Variants in RRH observed in about 807,000 individuals in gnomAD.
The protein encoded by RRH is visual pigment-like receptor peropsin.
RRH carries 36 observed loss-of-function variants against 33.1 expected under a neutral mutation model. The ratio of observed to expected loss-of-function variants is 1.09; its 90% CI spans 0.83 to 1.44. The LOEUF (loss-of-function observed/expected upper bound fraction) is 1.44. Among genes scored for constraint, RRH ranks in the 40% most tolerant of loss-of-function variants. The pLI is 0.00. For missense variants in RRH, 393 were observed against 420.2 expected, an observed-to-expected ratio of 0.94 and a Z score of 0.57; for synonymous variants, 124 against 140.2, an observed-to-expected ratio of 0.88 and a Z score of 0.82.
At chr4:109,838,338 G>T (rs1191334402) in intron 5 of RRH, among the ~76,000 whole-genome samples, 1 of 152,072 alleles carries the variant, frequency 6.6e-6, no homozygotes, top group East Asian at 1.9e-4. Flanking sequence ...TCCTCTTCTT[G>T]GAGCCATCCT....
At chr4:109,833,640 A>T (rs376668004) in intron 2 of RRH, among the ~76,000 whole-genome samples, 1 of 152,224 alleles carries the variant, frequency 6.6e-6, no homozygotes, top group African/African-American at 2.4e-5. Flanking sequence ...AATTAAAAAA[A>T]ATAACCTGCT....
intron 1 of RRH, among the ~76,000 whole-genome samples, chr4:109,832,535 G>GTGTGTGTTT (rs1733779962): frequency 1.2e-5 from 1 of 81,514 alleles, no homozygotes; most frequent in Non-Finnish European, 2.3e-5. Flanking sequence ...TGTGTGTGTT[G>GTGTGTGTTT]GAATGAAGAA....
chr4:109,834,257 C>T (rs10008969), intron 2 of RRH, among the ~76,000 whole-genome samples: 7,389 of 151,272 alleles, frequency 0.049, 558 homozygotes, highest in African/African-American at 0.16. Context: ...ATTTTGTGAA[C>T]GTAGAAAGCC....
chr4:109,837,842 C>CGG (rs1733915408), intron 5 of RRH, among the ~76,000 whole-genome samples: 2 of 151,586 alleles, frequency 1.3e-5, no homozygotes, highest in African/African-American at 4.9e-5. Context: ...ATGGCACGAT[C>CGG]TCGGCTCACT....
At chr4:109,838,455 CT>C (rs1190405135) in intron 5 of RRH, among the ~76,000 whole-genome samples, 1 of 152,026 alleles carries the variant, frequency 6.6e-6, no homozygotes, top group Non-Finnish European at 1.5e-5. Flanking sequence ...GCTCAGGATG[CT>C]TTCACCTCCT....
intron 6 of RRH, among the ~76,000 whole-genome samples, chr4:109,843,050 C>T (rs1174830632): frequency 6.6e-6 from 1 of 152,192 alleles, no homozygotes; most frequent in Non-Finnish European, 1.5e-5. Context: ...GACAAGGCAA[C>T]ATTGGGCTCA....
At chr4:109,834,148 T>C (rs1357303335) in intron 2 of RRH, among the ~76,000 whole-genome samples, 1 of 152,176 alleles carries the variant, frequency 6.6e-6, no homozygotes, top group African/African-American at 2.4e-5. Context: ...GTTTGCATTA[T>C]GCGATTTCCT....
intron 1 of RRH, 54 bp downstream of exon 1, chr4:109,828,187 A>G (rs1733675991): frequency 8.3e-7 from 1 of 1,209,586 alleles, no homozygotes; most frequent in Admixed American, 1.7e-5. Flanking sequence ...GAAAGGCAGA[A>G]GTTTTCAGCA....
rs777921889 is a variant in RRH at position 109,833,156 on chromosome 4, A to G, written c.124A>G (p.Ser42Gly). ...LIMAGMISII[S>G]NIIVLGIFIK... The stretch of plus-strand genomic sequence containing the variant: ...GTTCTCAGGTATGATAAGTATTATC[A>G]GCAACATAATAGTTCTGGGCATCTT... The change falls in exon 2 of 7, where the codon AGC (serine) becomes GGC (glycine). Residue 42 changes from serine (S) to glycine (G), a missense_variant. Physicochemically the swap from Ser to Gly is moderately conservative, Grantham distance 56. Transcript: ENST00000317735. 32 of 1,613,016 alleles carry G rather than the reference A, an allele frequency of 2.0e-5. No homozygotes were observed. Among genetic ancestry groups the G allele is most frequent in the South Asian group, 4.4e-5 (4 of 91,070 alleles).
chr4:109,834,229 A>T (rs1733828314), intron 2 of RRH, among the ~76,000 whole-genome samples: 1 of 151,862 alleles, frequency 6.6e-6, no homozygotes, highest in Admixed American at 6.6e-5. Flanking sequence ...ATTCATTTTA[A>T]CTGCTATATA....
In RRH at chr4:109,836,116, T is replaced by C. The variant is rs201763215; in HGVS notation, c.507T>C (p.Asp169=). 138 of 1,614,174 alleles carry C rather than the reference T, an allele frequency of 8.5e-5. No individual in the cohort carries two copies. The East Asian group carries it at 2.8e-3, about 32-fold the overall frequency. The change falls in exon 4 of 7, where the codon GAT becomes GAC. Residue 169 remains aspartate, a synonymous_variant. Coordinates refer to ENST00000317735, the MANE Select transcript of RRH (RefSeq NM_006583.5). ...PIIGWASYAP[D]PTGATCTINW... ...TAGGGTGGGCTAGTTATGCCCCAGA[T>C]CCTACTGGTGCTACGTGTACCATAA...
At position 109,842,449 on chromosome 4, in the gene RRH, G is replaced by T; in HGVS notation, c.721-20G>T. On this transcript the variant is annotated intron_variant, in intron 5 of 6. Transcript: ENST00000317735. Reference sequence around the variant, plus strand: ...AAATATTTTAGGTATTGGGCTTGGTGAATATTTATTTCTTTTCAGATGTCT... The same window carrying T: ...AAATATTTTAGGTATTGGGCTTGGTTAATATTTATTTCTTTTCAGATGTCT... The T allele has an allele frequency of 6.2e-7, 1 of 1,610,638 alleles. No individual in the cohort carries two copies. Among genetic ancestry groups the T allele is most frequent in the South Asian group, 1.1e-5 (1 of 91,004 alleles).
rs78250505 is a variant in RRH, at chr4:109,829,246, A to G, written c.106+1113A>G. On this transcript the variant is annotated intron_variant, in intron 1 of 6. Coordinates refer to ENST00000317735, the MANE Select transcript of RRH (RefSeq NM_006583.5). The stretch of plus-strand genomic sequence containing the variant: ...TACTGGAAATTGAGTTCCTCAGTTA[A>G]GTTTTGCGATTTTAGTGACGTTATC... 6.5e-3 allele frequency among the ~76,000 whole-genome samples: 986 copies of G among 152,224 alleles called. 10 individuals are homozygous for G. The highest frequency in any genetic ancestry group is 0.022 in the African/African-American group (919 of 41,562).
chr4:109,836,330 T>TA (rs773035301), intron 4 of RRH, among the ~76,000 whole-genome samples, 170 bp downstream of exon 4: 2 of 152,222 alleles, frequency 1.3e-5, no homozygotes, highest in African/African-American at 4.8e-5. Context: ...AAAAGTGACT[T>TA]ATGCTTGTTT....
chr4:109,840,526 T>A (rs1334748517), intron 5 of RRH, among the ~76,000 whole-genome samples: 1 of 152,198 alleles, frequency 6.6e-6, no homozygotes, highest in Non-Finnish European at 1.5e-5. Context: ...GGCATCTTCA[T>A]CATGAAATCT....
intron 6 of RRH, 27 bp from the exon 7 acceptor site, chr4:109,844,056 T>C: frequency 7.0e-7 from 1 of 1,438,618 alleles, no homozygotes; most frequent in Non-Finnish European, 9.8e-7. Context: ...TATGGGTTAA[T>C]GCCAGATTTT....
chr4:109,835,736 C>T (rs1733867806), intron 3 of RRH, among the ~76,000 whole-genome samples: 3 of 152,140 alleles, frequency 2.0e-5, no homozygotes, highest in Admixed American at 2.0e-4. Context: ...GCTACTCTTC[C>T]TGCTTATCCT....
At chr4:109,838,174 T>C (rs1387296212) in intron 5 of RRH, among the ~76,000 whole-genome samples, 1 of 152,224 alleles carries the variant, frequency 6.6e-6, no homozygotes, top group Non-Finnish European at 1.5e-5. Flanking sequence ...ATGATGAGGA[T>C]TTATTCTCTT....
At chr4:109,838,971 C>A (rs13128244) in intron 5 of RRH, among the ~76,000 whole-genome samples, 14,820 of 152,008 alleles carry the variant, frequency 0.097, 855 homozygotes, top group Admixed American at 0.15. Context: ...ATTTCAGTCC[C>A]TCTGTTTTTT....
Sources: allele counts gnomAD v4.1 joint callset (sites outside exome capture counted in the v4.1 genomes callset), GRCh38; gene constraint gnomAD v4.1.1; transcripts MANE v1.5; gene names NCBI Gene and HGNC (gene_info 2026-07-23, HGNC 2026-07-21).